ATP9A: variants seen among roughly 807,000 people sequenced by gnomAD.
ATP9A encodes probable phospholipid-transporting ATPase IIA.
Under a neutral mutation model 144.1 loss-of-function variants are expected in ATP9A, and 52 were observed. That is an observed-to-expected ratio of 0.36 (90% CI 0.29 to 0.45). The LOEUF (loss-of-function observed/expected upper bound fraction) is 0.45, where lower values mean the gene tolerates loss of function less well. Ranked by LOEUF, ATP9A falls within the 20% of genes least tolerant of loss-of-function variation. The probability of loss-of-function intolerance (pLI) is 1.00; values close to 1 mark genes in which losing one functional copy is unlikely to be tolerated. For synonymous variants in ATP9A, 582 were observed against 557.4 expected, an observed-to-expected ratio of 1.04 and a Z score of -0.62; for missense variants, 947 against 1,392.7, an observed-to-expected ratio of 0.68 and a Z score of 5.09.
intron 14 of ATP9A, among the ~76,000 whole-genome samples, chr20:51,650,250 A>AAT (rs2077358134): frequency 6.6e-6 from 1 of 152,152 alleles, no homozygotes; most frequent in Non-Finnish European, 1.5e-5. Flanking sequence ...AAAATACTTT[A>AAT]ATAGGCTGGG....
chr20:51,679,890 A>G (rs1416640729), intron 9 of ATP9A, among the ~76,000 whole-genome samples: 1 of 152,202 alleles, frequency 6.6e-6, no homozygotes, highest in Admixed American at 6.5e-5. Flanking sequence ...GCATGTGATC[A>G]GAGTAGTCGT....
intron 1 of ATP9A, among the ~76,000 whole-genome samples, chr20:51,734,174 G>T (rs773452540): frequency 1.3e-4 from 19 of 151,988 alleles, no homozygotes; most frequent in Admixed American, 6.6e-4. Flanking sequence ...TGTAGAGATG[G>T]GGTTTCACCA....
chr20:51,732,890 G>A (rs990943055), intron 1 of ATP9A, among the ~76,000 whole-genome samples: 3 of 151,876 alleles, frequency 2.0e-5, no homozygotes, highest in Non-Finnish European at 2.9e-5. Flanking sequence ...GCGCATCACC[G>A]TATTTGCAGA....
chr20:51,684,996 G>A (rs2077516445), intron 9 of ATP9A, among the ~76,000 whole-genome samples: 1 of 146,194 alleles, frequency 6.8e-6, no homozygotes, highest in Non-Finnish European at 1.5e-5. Context: ...GGACCACTGA[G>A]CGAGACTCCA....
At chr20:51,712,316 A>C (rs1210771475) in intron 4 of ATP9A, among the ~76,000 whole-genome samples, 5 of 152,014 alleles carry the variant, frequency 3.3e-5, no homozygotes, top group Admixed American at 6.6e-5. Context: ...CCTTGTGATC[A>C]GCCCGCCTCG....
At chr20:51,765,333 A>G (rs1040209261) in intron 1 of ATP9A, among the ~76,000 whole-genome samples, 33 of 152,122 alleles carry the variant, frequency 2.2e-4, no homozygotes, top group Non-Finnish European at 4.9e-4. Context: ...CTGATACACA[A>G]TTTGAATCCA....
chr20:51,738,406 A>C (rs886187997), intron 1 of ATP9A, among the ~76,000 whole-genome samples: 1 of 152,198 alleles, frequency 6.6e-6, no homozygotes, highest in Admixed American at 6.5e-5. Context: ...AGCTCCATCG[A>C]AAGTGTATGC....
At chr20:51,709,616 T>C (rs1490462095) in intron 4 of ATP9A, among the ~76,000 whole-genome samples, 2 of 152,118 alleles carry the variant, frequency 1.3e-5, no homozygotes, top group Non-Finnish European at 2.9e-5. Context: ...TAGTCCCAAC[T>C]ACTCGGAGGC....
chr20:51,682,748 C>T (rs1467411890), intron 9 of ATP9A, among the ~76,000 whole-genome samples: 15 of 149,926 alleles, frequency 1.0e-4, no homozygotes, highest in Non-Finnish European at 2.1e-4. Context: ...CGCACCACCA[C>T]ACCCGGCTAA....
intron 14 of ATP9A, among the ~76,000 whole-genome samples, chr20:51,643,582 T>A (rs1237571913): frequency 6.6e-6 from 1 of 152,144 alleles, no homozygotes; most frequent in Non-Finnish European, 1.5e-5. Flanking sequence ...AAAGAGGGCC[T>A]TTTATCAGCC....
intron 1 of ATP9A, among the ~76,000 whole-genome samples, chr20:51,732,888 C>G (rs1260008309): frequency 6.6e-6 from 1 of 151,654 alleles, no homozygotes; most frequent in East Asian, 1.9e-4. Context: ...AAGCGCATCA[C>G]CGTATTTGCA....
chr20:51,700,332 G>A (rs190324743), intron 4 of ATP9A, among the ~76,000 whole-genome samples: 2 of 152,204 alleles, frequency 1.3e-5, no homozygotes, highest in East Asian at 3.9e-4. Flanking sequence ...ACCAGCCTAG[G>A]CAACATAGCA....
Position 51,613,805 on chromosome 20 carries a change from C to T in ATP9A, c.2443G>A (p.Asp815Asn). The T allele has an allele frequency of 6.2e-7, 1 of 1,613,546 alleles. No homozygotes were observed. Among genetic ancestry groups the T allele is most frequent in the Non-Finnish European group, 8.5e-7 (1 of 1,179,828 alleles). ...TGCTTAAATTGAGTGATGGAGAAGT[C>T]TGCAGCCAACGAAGCCTGTTTTCCT... ...KEGKQASLAA[D>N]FSITQFKHLG... The change falls in exon 23 of 28, where the codon GAC (aspartate) becomes AAC (asparagine). Residue 815 changes from aspartate to asparagine, a missense_variant. Around this residue, in one of 2 missense-constraint regions of ATP9A, gnomAD observed 177 missense variants for 344.9 expected, o/e 0.51. Transcript: ENST00000338821.
intron 23 of ATP9A, among the ~76,000 whole-genome samples, chr20:51,612,985 G>A (rs1489448330): frequency 6.6e-6 from 1 of 152,138 alleles, no homozygotes. Context: ...GTATCAAGAA[G>A]GTACTCAGAT....
intron 11 of ATP9A, among the ~76,000 whole-genome samples, chr20:51,672,921 C>T (rs2077462207): frequency 6.6e-6 from 1 of 152,106 alleles, no homozygotes; most frequent in African/African-American, 2.4e-5. Context: ...ACCAAACTCC[C>T]CTTTTTCTAA....
In ATP9A at chr20:51,718,106, G is replaced by A. The variant is rs547427150; in HGVS notation, c.328-5032C>T. 2.6e-5 allele frequency among the ~76,000 whole-genome samples: 4 copies of A among 152,344 alleles called. No homozygotes were observed. In the East Asian group the frequency reaches 5.8e-4, roughly 22 times the overall value. ...GCAGCCAGGGCAATGGATAAGGGGA[G>A]GCGGCAGAGACCAGACTGCACATCA... is the stretch of plus-strand genomic sequence containing the variant. On this transcript the variant is annotated intron_variant, in intron 3 of 27. Coordinates refer to ENST00000338821, the MANE Select transcript of ATP9A (RefSeq NM_006045.3).
At position 51,639,498 on chromosome 20, in the gene ATP9A, G is replaced by A. The variant is rs1316215844; in HGVS notation, c.1513C>T (p.Leu505=). The A allele has an allele frequency of 6.2e-6, 10 of 1,609,104 alleles. No homozygotes were observed. The highest frequency in any genetic ancestry group is 7.6e-6 in the Non-Finnish European group (9 of 1,178,000). Residue 505 remains leucine, a synonymous_variant, in exon 15 of 28, where the codon CTG becomes TTG. Coordinates refer to ENST00000338821, the MANE Select transcript of ATP9A (RefSeq NM_006045.3). ...YQASSPDEVA[L]VQWTESVGLT... is the part of the protein sequence containing the mutation. ...CCCACACTTTCCGTCCACTGTACCA[G>A]GGCCACCTAAACATAACACAGGGTC...
intron 3 of ATP9A, among the ~76,000 whole-genome samples, chr20:51,722,704 C>T (rs761994564): frequency 2.0e-5 from 3 of 152,062 alleles, no homozygotes; most frequent in African/African-American, 7.2e-5. Context: ...TAGATGTTGG[C>T]GTGTATGCAG....
chr20:51,633,871 AAAGG>A (rs1357004191), intron 15 of ATP9A, among the ~76,000 whole-genome samples: 8 of 146,356 alleles, frequency 5.5e-5, no homozygotes, highest in Admixed American at 4.8e-4. Context: ...AGGGAGGGAG[AAAGG>A]AAGGAAGGAA....
Sources: allele counts gnomAD v4.1 joint callset (sites outside exome capture counted in the v4.1 genomes callset), GRCh38; gene constraint gnomAD v4.1.1; regional missense constraint gnomAD v4.1.1; transcripts MANE v1.5; gene names NCBI Gene and HGNC (gene_info 2026-07-23, HGNC 2026-07-21).